PTPRD: variants seen among roughly 807,000 people sequenced by gnomAD.
The protein encoded by PTPRD is receptor-type tyrosine-protein phosphatase delta.
PTPRD carries 34 observed loss-of-function variants against 214.5 expected under a neutral mutation model. The observed-to-expected ratio is 0.16, with a 90% CI of 0.12 to 0.21. The LOEUF is 0.21. Among genes scored for constraint, PTPRD ranks in the 10% least tolerant of loss-of-function variants. PTPRD has a pLI of 1.00. For missense variants in PTPRD, 2,545 were observed against 2,398.7 expected, an observed-to-expected ratio of 1.06 and a Z score of -1.27; for synonymous variants, 1,128 against 845.7, an observed-to-expected ratio of 1.33 and a Z score of -5.79.
At chr9:10,160,886 T>C (rs2099123496) in intron 3 of PTPRD, among the ~76,000 whole-genome samples, 1 of 151,914 alleles carries the variant, frequency 6.6e-6, no homozygotes, top group Non-Finnish European at 1.5e-5. Flanking sequence ...AGATACGGAA[T>C]CAACATCCAA....
chr9:9,263,057 C>A (rs2099980829), intron 9 of PTPRD, among the ~76,000 whole-genome samples: 1 of 151,432 alleles, frequency 6.6e-6, no homozygotes, highest in Non-Finnish European at 1.5e-5. Flanking sequence ...AATGCTAATC[C>A]TCAGGGTAAA....
intron 5 of PTPRD, among the ~76,000 whole-genome samples, chr9:9,865,412 T>G (rs1158130096): frequency 6.6e-6 from 1 of 152,140 alleles, no homozygotes; most frequent in African/African-American, 2.4e-5. Flanking sequence ...GGTGACTTTA[T>G]AAGGACAGAC....
At chr9:9,266,161 A>G (rs943326402) in intron 9 of PTPRD, among the ~76,000 whole-genome samples, 31 of 151,530 alleles carry the variant, frequency 2.0e-4, no homozygotes, top group African/African-American at 7.3e-4. Flanking sequence ...TTATAATGAT[A>G]AAAGGGTCAA....
chr9:10,314,294 T>C (rs148488102), intron 3 of PTPRD, among the ~76,000 whole-genome samples: 177 of 152,002 alleles, frequency 1.2e-3, no homozygotes, highest in African/African-American at 4.1e-3. Context: ...AAGGTTGGAA[T>C]AAAAAGGGTG....
intron 12 of PTPRD, among the ~76,000 whole-genome samples, chr9:8,667,637 T>G (rs1385877394): frequency 6.6e-6 from 1 of 152,160 alleles, no homozygotes; most frequent in East Asian, 1.9e-4. Flanking sequence ...ATGAATTTTA[T>G]ATGAAATTTC....
At chr9:8,935,450 T>G (rs2098990528) in intron 11 of PTPRD, among the ~76,000 whole-genome samples, 1 of 152,090 alleles carries the variant, frequency 6.6e-6, no homozygotes, top group Non-Finnish European at 1.5e-5. Context: ...TGCCTACCTT[T>G]AAAGTAAGTG....
At chr9:8,539,501 T>C (rs1307039903) in intron 14 of PTPRD, among the ~76,000 whole-genome samples, 1 of 151,824 alleles carries the variant, frequency 6.6e-6, no homozygotes, top group Non-Finnish European at 1.5e-5. Context: ...ATTTTAACTA[T>C]TTTTAAAATA....
chr9:10,116,789 T>G lies in PTPRD; in HGVS notation c.-544-82999A>C, dbSNP rs74530155. ...TGTAGCCTTTTGGATTCCACCAACA[T>G]TAGCCCCAGACACATCACTCTGTTT... On this transcript the variant is annotated intron_variant, in intron 3 of 45. Transcript: ENST00000381196. Among the ~76,000 whole-genome samples the G allele has an allele frequency of 1.3e-3, 205 of 152,164 alleles. 2 individuals are homozygous for G. The East Asian group carries it at 0.034, about 25-fold the overall frequency.
intron 9 of PTPRD, among the ~76,000 whole-genome samples, chr9:9,387,077 C>T (rs575156740): frequency 2.2e-4 from 33 of 152,172 alleles, no homozygotes; most frequent in Non-Finnish European, 5.9e-5. Flanking sequence ...TTTCCTTTGT[C>T]TTAGCCAGAA....
intron 2 of PTPRD, among the ~76,000 whole-genome samples, chr9:10,528,629 T>A (rs996601054): frequency 3.3e-5 from 5 of 152,194 alleles, no homozygotes; most frequent in African/African-American, 1.2e-4. Context: ...AAATAGATGT[T>A]TGATCACCTA....
intron 44 of PTPRD, among the ~76,000 whole-genome samples, chr9:8,330,457 C>G (rs562250613): frequency 8.9e-4 from 135 of 152,256 alleles, no homozygotes; most frequent in African/African-American, 3.2e-3. Flanking sequence ...TTGTGGTAAT[C>G]TGGAACTAAA....
At chr9:8,712,137 A>G (rs2098348674) in intron 12 of PTPRD, among the ~76,000 whole-genome samples, 1 of 152,188 alleles carries the variant, frequency 6.6e-6, no homozygotes, top group Admixed American at 6.5e-5. Flanking sequence ...AGGGAGATGC[A>G]ATGCAGAGTG....
intron 8 of PTPRD, among the ~76,000 whole-genome samples, chr9:9,455,016 C>G (rs914861582): frequency 1.4e-4 from 21 of 151,648 alleles, no homozygotes; most frequent in African/African-American, 4.8e-4. Flanking sequence ...GAAAAAACAA[C>G]CCAAGTATTG....
chr9:10,424,236 G>T (rs1240515776), intron 2 of PTPRD, among the ~76,000 whole-genome samples: 2 of 151,690 alleles, frequency 1.3e-5, no homozygotes, highest in Admixed American at 6.6e-5. Flanking sequence ...CAGGTAGAAT[G>T]ATTAATAAGC....
At chr9:9,506,618 C>T (rs949941269) in intron 8 of PTPRD, among the ~76,000 whole-genome samples, 1 of 151,344 alleles carries the variant, frequency 6.6e-6, no homozygotes, top group Non-Finnish European at 1.5e-5. Context: ...CATTTCTCAG[C>T]ATATTCCTTT....
intron 5 of PTPRD, among the ~76,000 whole-genome samples, chr9:9,900,761 C>T (rs997814187): frequency 4.0e-5 from 6 of 151,540 alleles, no homozygotes; most frequent in Non-Finnish European, 7.4e-5. Flanking sequence ...CTCAGCCTCC[C>T]GAGTAGCTGG....
chr9:8,883,172 A>G (rs2098460590), intron 11 of PTPRD, among the ~76,000 whole-genome samples: 1 of 152,196 alleles, frequency 6.6e-6, no homozygotes, highest in South Asian at 2.1e-4. Context: ...ATTAATTCTA[A>G]TTCCACAACA....
rs190596904 is a variant in PTPRD, at chr9:9,582,817, G to A, written c.-286-8036C>T. ...TTAACGTGTTAGTATATATTAGGATGAATAAAATAAGAAAAAACTATAATC... is the reference window on the plus strand; with the variant it reads ...TTAACGTGTTAGTATATATTAGGATAAATAAAATAAGAAAAAACTATAATC... On this transcript the variant is annotated intron_variant, in intron 7 of 45. Coordinates refer to ENST00000381196, the MANE Select transcript of PTPRD (RefSeq NM_002839.4). Among the ~76,000 whole-genome samples the A allele has an allele frequency of 8.6e-4, 131 of 152,040 alleles. 1 individual carries two copies. The highest frequency in any genetic ancestry group is 5.4e-3 in the South Asian group (26 of 4,818).
intron 2 of PTPRD, among the ~76,000 whole-genome samples, chr9:10,355,119 TTTGAGCTAGATGTAAAA>T (rs1308661864): frequency 6.6e-6 from 1 of 152,206 alleles, no homozygotes; most frequent in African/African-American, 2.4e-5. Flanking sequence ...GCTCAGTTAT[TTTGAGCTAGATGTAAAA>T]TTCTACAAAA....
Sources: gnomAD v4.1 joint callset for allele counts (sites outside exome capture counted in the v4.1 genomes callset) on GRCh38, gnomAD v4.1.1 for gene constraint, MANE v1.5 for transcripts, NCBI Gene and HGNC (gene_info 2026-07-23, HGNC 2026-07-21) for gene names.